Variants in SERPING1 observed in about 807,000 individuals in gnomAD.
SERPING1 encodes the protein serpin family G member 1.
Under a neutral mutation model 34.1 loss-of-function variants are expected in SERPING1, and 5 were observed. The ratio of observed to expected loss-of-function variants is 0.15; its 90% confidence interval spans 0.08 to 0.31. SERPING1 has a LOEUF of 0.31. SERPING1 is among the 10% of genes least tolerant of loss of function. The pLI, the probability that SERPING1 is intolerant of heterozygous loss-of-function variation, is 1.00. For synonymous variants in SERPING1, 225 were observed against 242.4 expected (o/e 0.93, Z 0.67); for missense variants, 505 against 609.5 (o/e 0.83, Z 1.81).
intron 1 of SERPING1, chr11:57,598,045 C>A: frequency 1.8e-6 from 1 of 568,614 alleles, no homozygotes; most frequent in Admixed American, 3.1e-5. Context: ...AGAGGAAGGG[C>A]CAGCCGGTGC....
chr11:57,603,886 A>G (rs905398666), intron 4 of SERPING1, among the ~76,000 whole-genome samples: 2 of 150,776 alleles, frequency 1.3e-5, no homozygotes, highest in Non-Finnish European at 2.9e-5. Context: ...GCGGTGTCTC[A>G]CACCTGTAAT....
chr11:57,611,191 A>C, intron 6 of SERPING1: 1 of 165,036 alleles, frequency 6.1e-6, no homozygotes, highest in Admixed American at 5.7e-5. Context: ...TCGGCCTCCC[A>C]AAGTGCTGGG....
rs1945512433 is a variant in SERPING1 at position 57,614,339 on chromosome 11, T to A, written c.1261T>A (p.Phe421Ile). The A allele has an allele frequency of 5.6e-6, 9 of 1,613,764 alleles. No individual in the cohort carries two copies. Among genetic ancestry groups the A allele is most frequent in the Non-Finnish European group, 7.6e-6 (9 of 1,180,036 alleles). ...SIMEKLEFFD[F>I]SYDLNLCGLT... ...TGGTTTTGCCCTAGAATTCTTCGAT[T>A]TTTCTTATGACCTTAACCTGTGTGG... Residue 421 changes from phenylalanine (F) to isoleucine (I), a missense_variant, in exon 8 of 8, where the codon TTT (phenylalanine) becomes ATT (isoleucine). Physicochemically the swap from Phe to Ile is conservative, Grantham distance 21. Coordinates refer to ENST00000278407, the MANE Select transcript of SERPING1 (RefSeq NM_000062.3).
At chr11:57,606,592 T>C (rs778545444) in intron 6 of SERPING1, 45 bp downstream of exon 6, 4 of 1,609,412 alleles carry the variant, frequency 2.5e-6, no homozygotes, top group Non-Finnish European at 3.4e-6. Context: ...CCTACTTGAG[T>C]CTCCTGACTT....
Position 57,610,519 on chromosome 11 carries a change from G to T in SERPING1, c.1030-1198G>T, listed in dbSNP as rs2508443. 0.33 allele frequency among the ~76,000 whole-genome samples: 50,612 copies of T among 152,074 alleles called. 9,011 individuals are homozygous for T. Among genetic ancestry groups the T allele is most frequent in the Non-Finnish European group, 0.41 (27,956 of 67,972 alleles). ...TATCTACTTCTTCTGGGCTATTCAG[G>T]TTCCGACAATTGATTGCTTTCAGTT... On this transcript the variant is annotated intron_variant, in intron 6 of 7. Coordinates refer to ENST00000278407, the MANE Select transcript of SERPING1 (RefSeq NM_000062.3).
intron 4 of SERPING1, among the ~76,000 whole-genome samples, chr11:57,603,967 C>T (rs1009962102): frequency 4.6e-5 from 7 of 151,158 alleles, no homozygotes; most frequent in Non-Finnish European, 8.8e-5. Flanking sequence ...CTGGCCAACA[C>T]CAGGAAACCC....
chr11:57,599,569 C>G (rs1380226474), intron 2 of SERPING1, among the ~76,000 whole-genome samples: 2 of 152,204 alleles, frequency 1.3e-5, no homozygotes, highest in Non-Finnish European at 2.9e-5. Flanking sequence ...AATGACAACA[C>G]TCAGCTTCAC....
chr11:57,609,836 A>C (rs1945459837), intron 6 of SERPING1, among the ~76,000 whole-genome samples: 2 of 152,102 alleles, frequency 1.3e-5, no homozygotes, highest in African/African-American at 2.4e-5. Context: ...CACAATCCTC[A>C]CTTACTGTAA....
chr11:57,598,293 T>G lies in SERPING1; in HGVS notation c.23T>G (p.Leu8Arg). Residue 8 changes from leucine to arginine, a missense_variant, in exon 2 of 8, where the codon CTG becomes CGG. Coordinates refer to ENST00000278407, the MANE Select transcript of SERPING1 (RefSeq NM_000062.3). ...CAGATGGCCTCCAGGCTGACCCTGC[T>G]GACCCTCCTGCTGCTGCTGCTGGCT... Reference protein sequence around the residue: MASRLTLLTLLLLLLAGD... With the variant: MASRLTLRTLLLLLLAGD... 6.4e-7 allele frequency: 1 copy of G among 1,564,196 alleles called. No individual in the cohort carries two copies. Among genetic ancestry groups the G allele is most frequent in the Non-Finnish European group, 8.7e-7 (1 of 1,154,628 alleles).
At chr11:57,598,345 G>A (rs957360903) in intron 2 of SERPING1, 24 bp downstream of exon 2, 6 of 1,551,034 alleles carry the variant, frequency 3.9e-6, no homozygotes, top group African/African-American at 1.4e-5. Flanking sequence ...TGTGGGATGG[G>A]GGACGGGGGT....
intron 6 of SERPING1, among the ~76,000 whole-genome samples, chr11:57,608,373 CT>C (rs1945435762): frequency 6.6e-6 from 1 of 152,170 alleles, no homozygotes; most frequent in South Asian, 2.1e-4. Context: ...TGGGAGTAGA[CT>C]GTTGAAACCA....
intron 6 of SERPING1, 55 bp downstream of exon 6, chr11:57,606,602 T>C: frequency 1.3e-6 from 2 of 1,587,496 alleles, no homozygotes; most frequent in Non-Finnish European, 1.7e-6. Flanking sequence ...TCTCCTGACT[T>C]TTTTTCTGCT....
intron 6 of SERPING1, among the ~76,000 whole-genome samples, chr11:57,608,446 C>G (rs768783160): frequency 1.6e-4 from 25 of 152,124 alleles, no homozygotes; most frequent in Non-Finnish European, 2.5e-4. Flanking sequence ...AATAAATATT[C>G]AAATACAAAG....
rs1945520389 is a variant in SERPING1 at position 57,614,723 on chromosome 11, T to C, written c.*142T>C. On this transcript the variant is annotated 3_prime_UTR_variant, in exon 8 of 8. Coordinates refer to ENST00000278407, the MANE Select transcript of SERPING1 (RefSeq NM_000062.3). ...ATCCACCAAAAGGGCTCCCTGAGGG[T>C]CTGGGCAAGGGACCTGCTTCTATTA... 2 of 983,610 alleles carry C rather than the reference T, an allele frequency of 2.0e-6. No homozygotes were observed. Among genetic ancestry groups the C allele is most frequent in the South Asian group, 3.2e-5 (2 of 63,268 alleles). The allele number at this position is 983,610 out of a possible 1,614,324, so 60.9% of individuals were successfully genotyped here.
chr11:57,599,883 G>T lies in SERPING1; in HGVS notation c.56G>T (p.Arg19Ile), dbSNP rs765715943. The T allele has an allele frequency of 6.2e-7, 1 of 1,614,150 alleles. No individual in the cohort carries two copies. The highest frequency in any genetic ancestry group is 1.7e-5 in the Admixed American group (1 of 60,008). ...TLLLLLLAGD[R>I]ASSNPNATSS... ...ACTCAGTTTCTTGAACCACAGGATA[G>T]AGCCTCCTCAAATCCAAATGCTACC... Residue 19 changes from arginine (R) to isoleucine (I), a missense_variant, in exon 3 of 8, where the codon AGA becomes ATA. Coordinates refer to ENST00000278407, the MANE Select transcript of SERPING1 (RefSeq NM_000062.3).
At position 57,599,914 on chromosome 11, in the gene SERPING1, C is replaced by G; in HGVS notation, c.87C>G (p.Ser29=). 6.2e-7 allele frequency: 1 copy of G among 1,614,192 alleles called. No homozygotes were observed. The highest frequency in any genetic ancestry group is 1.7e-5 in the Admixed American group (1 of 60,022). The change falls in exon 3 of 8, where the codon TCC becomes TCG. Residue 29 remains serine, a synonymous_variant. Transcript: ENST00000278407. ...RASSNPNATS[S]SSQDPESLQD... ...CCTCAAATCCAAATGCTACCAGCTC[C>G]AGCTCCCAGGATCCAGAGAGTTTGC...
intron 3 of SERPING1, among the ~76,000 whole-genome samples, chr11:57,601,415 A>C (rs1003542382): frequency 2.7e-5 from 4 of 149,892 alleles, no homozygotes; most frequent in Admixed American, 6.7e-5. Flanking sequence ...AAAAAAAAAG[A>C]AGCAGCCTAG....
chr11:57,602,053 A>G lies in SERPING1; in HGVS notation c.569A>G (p.Lys190Arg), dbSNP rs1238380874. ...GTTGCAGGGGCTGGGGAGAACACCA[A>G]AACAAACCTGGAGAGCATCCTCTCT... ...QVLLGAGENT[K>R]TNLESILSYP... The change falls in exon 4 of 8, where the codon AAA (lysine) becomes AGA (arginine). Residue 190 changes from lysine (K) to arginine (R), a missense_variant. Lys to Arg is a conservative substitution (Grantham distance 26). Coordinates refer to ENST00000278407, the MANE Select transcript of SERPING1 (RefSeq NM_000062.3). The G allele has an allele frequency of 1.9e-6, 3 of 1,614,096 alleles. No homozygotes were observed. The highest frequency in any genetic ancestry group is 1.6e-4 in the Middle Eastern group (1 of 6,062).
intron 6 of SERPING1, chr11:57,611,289 C>T (rs1027392055): frequency 8.7e-6 from 2 of 229,334 alleles, no homozygotes; most frequent in African/African-American, 4.5e-5. Context: ...GAATGCCATA[C>T]TAAGATTTGT....
Sources: gnomAD v4.1 joint callset for allele counts (sites outside exome capture counted in the v4.1 genomes callset) on GRCh38, gnomAD v4.1.1 for gene constraint, MANE v1.5 for transcripts, NCBI Gene and HGNC (gene_info 2026-07-23, HGNC 2026-07-21) for gene names.